Variants in HSPA9 observed in about 807,000 individuals in gnomAD.
HSPA9 encodes the protein stress-70 protein, mitochondrial.
In HSPA9, 28 loss-of-function variants were observed where a neutral mutation model predicts 81.5. The observed-to-expected ratio is 0.34, with a 90% confidence interval of 0.25 to 0.47. The LOEUF (loss-of-function observed/expected upper bound fraction) is 0.47. Ranked by LOEUF, HSPA9 falls within the 20% of genes least tolerant of loss-of-function variation. HSPA9 has a pLI of 1.00. For missense variants in HSPA9, 678 were observed against 838.0 expected, an observed-to-expected ratio of 0.81 and a Z score of 2.36; for synonymous variants, 293 against 290.4, an observed-to-expected ratio of 1.01 and a Z score of -0.09.
intron 4 of HSPA9, among the ~76,000 whole-genome samples, chr5:138,569,951 T>C (rs1750842664): frequency 6.6e-6 from 1 of 151,432 alleles, no homozygotes; most frequent in Admixed American, 6.6e-5. Flanking sequence ...TGGAGTGCAA[T>C]GGCATGATCT....
rs149226597 is a variant in HSPA9, at chr5:138,570,020, G to T, written c.410+940C>A. The stretch of plus-strand genomic sequence containing the variant: ...AGCCTCACTAGTAGCTGGGACTATA[G>T]GCGCGCACCACCGAGCTTGGCTCTT... On this transcript the variant is annotated intron_variant, in intron 4 of 16. Coordinates refer to ENST00000297185, the MANE Select transcript of HSPA9 (RefSeq NM_004134.7). Among the ~76,000 whole-genome samples the T allele has an allele frequency of 4.0e-3, 606 of 151,710 alleles. 3 individuals are homozygous for T. Among genetic ancestry groups the T allele is most frequent in the African/African-American group, 0.013 (555 of 41,368 alleles).
intron 6 of HSPA9, 38 bp downstream of exon 6, chr5:138,567,611 C>A (rs922369404): frequency 6.2e-7 from 1 of 1,609,460 alleles, no homozygotes; most frequent in African/African-American, 1.3e-5. Context: ...ATCCCAGGCA[C>A]CTTACTTTTT....
Position 138,561,770 on chromosome 5 carries a change from T to C in HSPA9, c.992A>G (p.Tyr331Cys), listed in dbSNP as rs1561858216. 6.2e-7 allele frequency: 1 copy of C among 1,613,986 alleles called. No homozygotes were observed. Among genetic ancestry groups the C allele is most frequent in the Non-Finnish European group, 8.5e-7 (1 of 1,179,810 alleles). The change falls in exon 10 of 17, where the codon TAT becomes TGT. Residue 331 changes from tyrosine to cysteine, a missense_variant. By Grantham distance (194) the Tyr-to-Cys change is radical. Transcript: ENST00000297185. The part of the protein sequence containing the change: ...SSVQTDINLP[Y>C]LTMDSSGPKH... ...GGGTCCAGAAGAATCCATTGTAAGA[T>C]AGGGCAAATTGATGTCAGTCTGCAA...
chr5:138,558,441 T>G (rs1401173660), intron 12 of HSPA9, 112 bp downstream of exon 12: 1 of 779,838 alleles, frequency 1.3e-6, no homozygotes, highest in Non-Finnish European at 2.3e-6. Context: ...TTCTCAAGAC[T>G]ACTCAGTATG....
rs778107935 is a variant in HSPA9, at chr5:138,556,060, C to G, written c.2017G>C (p.Asp673His). Residue 673 changes from aspartate to histidine, a missense_variant, in exon 17 of 17, where the codon GAT becomes CAT. Around this residue, in one of 4 missense-constraint regions of HSPA9, gnomAD observed 100 missense variants for 99.5 expected, o/e 1.00. Coordinates refer to ENST00000297185, the MANE Select transcript of HSPA9 (RefSeq NM_004134.7). Reference protein sequence around the residue: ...GSSGTGEQKEDQKEEKQ With the variant: ...GSSGTGEQKEHQKEEKQ ...TATTACTGTTTTTCCTCCTTTTGAT[C>G]TTCCTTTTGTTCCCCAGTGCCAGAA... 4.3e-6 allele frequency: 7 copies of G among 1,613,200 alleles called. No individual in the cohort carries two copies. The highest frequency in any genetic ancestry group is 1.7e-5 in the Admixed American group (1 of 59,884).
rs1339876636 is a variant in HSPA9, at chr5:138,571,238, T to C, written c.229-97A>G. 5.6e-6 allele frequency: 7 copies of C among 1,259,450 alleles called. No homozygotes were observed. The East Asian group carries it at 1.2e-4, about 22-fold the overall frequency. 78.0% of individuals were successfully genotyped at this position (1,259,450 alleles called of 1,614,324 possible). A position where few individuals can be genotyped will look rare whatever the true frequency, so the allele number is the denominator to read the frequency against. Reference sequence around the variant, plus strand: ...CTCTGTCGCTAAGGCTGGAGTACAATGGCACAATCTTGGCTCACTGCAACC... The same window carrying C: ...CTCTGTCGCTAAGGCTGGAGTACAACGGCACAATCTTGGCTCACTGCAACC... On this transcript the variant is annotated intron_variant, in intron 3 of 16. Transcript: ENST00000297185.
At position 138,561,578 on chromosome 5, in the gene HSPA9, A is replaced by G; in HGVS notation, c.1182+2T>C. The G allele has an allele frequency of 6.2e-7, 1 of 1,611,318 alleles. No homozygotes were observed. The highest frequency in any genetic ancestry group is 1.1e-5 in the South Asian group (1 of 90,962). Reference sequence around the variant, plus strand: ...CCACGACAGAATTCCACTGGTCCATACCTTGGGCATCCTAGTCATGCCACC... The same window carrying G: ...CCACGACAGAATTCCACTGGTCCATGCCTTGGGCATCCTAGTCATGCCACC... On this transcript the variant is annotated splice_donor_variant, in intron 10 of 16. Coordinates refer to ENST00000297185, the MANE Select transcript of HSPA9 (RefSeq NM_004134.7). LOFTEE classifies it high-confidence loss of function.
chr5:138,575,238 C>G lies in HSPA9; in HGVS notation c.81G>C (p.Gln27His). 1 of 1,600,456 alleles carries G rather than the reference C, an allele frequency of 6.2e-7. No individual in the cohort carries two copies. The highest frequency in any genetic ancestry group is 1.3e-5 in the African/African-American group (1 of 74,946). The change falls in exon 1 of 17, where the codon CAG (glutamine) becomes CAC (histidine). Residue 27 changes from glutamine (Q) to histidine (H), a missense_variant and splice_region_variant. Physicochemically the swap from Gln to His is conservative, Grantham distance 24. Transcript: ENST00000297185. ...ASRGPTAARH[Q>H]DSWNGLSHEA... is the part of the protein sequence containing the mutation. ...ATTCGGGAAGGTCCCAGTTCCTCAC[C>G]TGGTGGCGGGCGGCCGTAGGGCCCC...
chr5:138,572,978 C>T lies in HSPA9; in HGVS notation c.228+785G>A, dbSNP rs183660591. On this transcript the variant is annotated intron_variant, in intron 3 of 16. Transcript: ENST00000297185. ...TGATGTGATCTTGGCTCACTGCAAC[C>T]TCCACCTCCTGGGTTCAAGCGATTC... 2.1e-3 allele frequency among the ~76,000 whole-genome samples: 326 copies of T among 152,224 alleles called. 2 individuals carry two copies. The highest frequency in any genetic ancestry group is 7.5e-3 in the African/African-American group (310 of 41,512).
chr5:138,575,223 G>A lies in HSPA9; in HGVS notation c.81+15C>T, dbSNP rs1036792938. ...CGAGGCCGTGACCCCATTCGGGAAGGTCCCAGTTCCTCACCTGGTGGCGGG... is the reference window on the plus strand; with the variant it reads ...CGAGGCCGTGACCCCATTCGGGAAGATCCCAGTTCCTCACCTGGTGGCGGG... On this transcript the variant is annotated intron_variant, in intron 1 of 16. Transcript: ENST00000297185. 4 of 1,584,266 alleles carry A rather than the reference G, an allele frequency of 2.5e-6. No individual in the cohort carries two copies. The highest frequency in any genetic ancestry group is 3.4e-6 in the Non-Finnish European group (4 of 1,162,478).
intron 9 of HSPA9, among the ~76,000 whole-genome samples, chr5:138,565,921 C>T (rs529337840): frequency 2.0e-5 from 3 of 152,172 alleles, no homozygotes; most frequent in Non-Finnish European, 2.9e-5. Context: ...CTCAGTGGCT[C>T]ACGCCCATTA....
intron 5 of HSPA9, among the ~76,000 whole-genome samples, chr5:138,568,338 C>T (rs1039532224): frequency 1.3e-5 from 2 of 151,732 alleles, no homozygotes; most frequent in African/African-American, 2.4e-5. Flanking sequence ...CATCTCTTTA[C>T]TAAAAACACA....
chr5:138,558,015 C>CCT (rs1750567392), intron 12 of HSPA9, 29 bp from the exon 13 acceptor site: 1 of 1,415,924 alleles, frequency 7.1e-7, no homozygotes, highest in Non-Finnish European at 1.0e-6. Flanking sequence ...AGAGTAAGGT[C>CCT]CTCTTACAGA....
At position 138,574,065 on chromosome 5, in the gene HSPA9, T is replaced by TA. The variant is rs1366079893; in HGVS notation, c.140+2dup. The stretch of plus-strand genomic sequence containing the variant: ...CTCTCAAAGGAAATGATATTATACT[T>TA]ACGCATAATCCCGCCTTGAAACAAG... On this transcript the variant is annotated splice_region_variant and intron_variant, in intron 2 of 16. Coordinates refer to ENST00000297185, the MANE Select transcript of HSPA9 (RefSeq NM_004134.7). The TA allele has an allele frequency of 1.2e-6, 2 of 1,609,824 alleles. No individual in the cohort carries two copies. Among genetic ancestry groups the TA allele is most frequent in the African/African-American group, 1.3e-5 (1 of 74,838 alleles).
chr5:138,560,333 C>G (rs984107657), intron 10 of HSPA9, among the ~76,000 whole-genome samples: 8 of 152,108 alleles, frequency 5.3e-5, no homozygotes, highest in Non-Finnish European at 1.0e-4. Flanking sequence ...AAGGATTCTC[C>G]TAAGTTTTAT....
At chr5:138,557,282 C>T (rs1580740704) in intron 14 of HSPA9, 120 bp downstream of exon 14, 2 of 757,708 alleles carry the variant, frequency 2.6e-6, no homozygotes, top group East Asian at 5.3e-5. Flanking sequence ...ATCTGCCCAC[C>T]TTGGCAGTGG....
chr5:138,556,572 CTCT>C lies in HSPA9; in HGVS notation c.1839_1841del (p.Glu614del), dbSNP rs1750525366. The stretch of plus-strand genomic sequence containing the variant: ...CCAGGAGCTCCCTCATTTTGGAAAT[CTCT>C]TCTTTCAGCTTGTTGCACTTAAAAA... On this transcript the variant is annotated inframe_deletion, in exon 16 of 17. Transcript: ENST00000297185. The C allele has an allele frequency of 6.2e-7, 1 of 1,613,942 alleles. No homozygotes were observed. Among genetic ancestry groups the C allele is most frequent in the Non-Finnish European group, 8.5e-7 (1 of 1,180,040 alleles).
intron 9 of HSPA9, among the ~76,000 whole-genome samples, chr5:138,564,202 C>T (rs1288743033): frequency 6.6e-6 from 1 of 152,186 alleles, no homozygotes; most frequent in African/African-American, 2.4e-5. Flanking sequence ...CTCCTGGGTT[C>T]AAGCGATTCT....
rs547255093 is a variant in HSPA9, at chr5:138,558,020, T to TA, written c.1516-35dup. ...AATAATATCCAGAGTAAGGTCCTCT[T>TA]ACAGAGGGGTCCAGTGCTATTATTT... On this transcript the variant is annotated intron_variant, in intron 12 of 16. Coordinates refer to ENST00000297185, the MANE Select transcript of HSPA9 (RefSeq NM_004134.7). 4.6e-4 allele frequency: 609 copies of TA among 1,312,064 alleles called. 4 individuals carry two copies. The African/African-American group carries it at 8.2e-3, about 18-fold the overall frequency. The allele number at this position is 1,312,064 out of a possible 1,614,324, so 81.3% of individuals were successfully genotyped here. A position where few individuals can be genotyped will look rare whatever the true frequency, so the allele number is the denominator to read the frequency against.
Sources: allele counts gnomAD v4.1 joint callset (sites outside exome capture counted in the v4.1 genomes callset), GRCh38; gene constraint gnomAD v4.1.1; regional missense constraint gnomAD v4.1.1; transcripts MANE v1.5; gene names NCBI Gene and HGNC (gene_info 2026-07-23, HGNC 2026-07-21).